PSPC1: variants seen among roughly 807,000 people sequenced by gnomAD.
The protein encoded by PSPC1 is paraspeckle component 1.
In PSPC1, 14 loss-of-function variants were observed where a neutral mutation model predicts 51.6. The observed-to-expected ratio is 0.27, with a 90% CI of 0.18 to 0.42. The LOEUF (loss-of-function observed/expected upper bound fraction) is 0.42. PSPC1 is among the 10% of genes least tolerant of loss of function. PSPC1 has a pLI of 1.00. For missense variants in PSPC1, 406 were observed against 701.1 expected, an observed-to-expected ratio of 0.58 and a Z score of 4.75; for synonymous variants, 193 against 231.9, an observed-to-expected ratio of 0.83 and a Z score of 1.53.
At chr13:19,693,951 A>G (rs930264887) in intron 6 of PSPC1, among the ~76,000 whole-genome samples, 4 of 151,862 alleles carry the variant, frequency 2.6e-5, no homozygotes, top group Admixed American at 6.6e-5. Flanking sequence ...GTGAAACCCC[A>G]TCTCTACTAA....
At chr13:19,730,496 T>A in intron 5 of PSPC1, 152 bp from the exon 6 acceptor site, 1 of 651,734 alleles carries the variant, frequency 1.5e-6, no homozygotes, top group African/African-American at 1.8e-5. Context: ...ACCTTCCTTC[T>A]ATGTCACTCC....
chr13:19,735,628 A>C (rs1884685220), intron 5 of PSPC1, among the ~76,000 whole-genome samples: 1 of 152,216 alleles, frequency 6.6e-6, no homozygotes, highest in Admixed American at 6.5e-5. Context: ...AACTAAAGTA[A>C]AGCACAAAGG....
At chr13:19,778,023 C>T (rs974831067) in intron 1 of PSPC1, among the ~76,000 whole-genome samples, 1 of 152,114 alleles carries the variant, frequency 6.6e-6, no homozygotes. Context: ...GCGGGCGGAT[C>T]ACGAGGTCAA....
Position 19,709,585 on chromosome 13 carries a change from C to T in PSPC1, c.1173G>A (p.Met391Ile). 6.2e-7 allele frequency: 1 copy of T among 1,612,386 alleles called. No individual in the cohort carries two copies. The highest frequency in any genetic ancestry group is 8.5e-7 in the Non-Finnish European group (1 of 1,179,306). Residue 391 changes from methionine to isoleucine, a missense_variant, in exon 7 of 9, where the codon ATG becomes ATA. Coordinates refer to ENST00000338910, the MANE Select transcript of PSPC1 (RefSeq NM_001354909.2). ...PNYMENREQE[M>I]RMGDMGPRGA... is the part of the protein sequence containing the mutation. ...CACGGGGACCCATATCACCCATTCT[C>T]ATTTCCTGTTCTCTCTGTAAGTAAA...
intron 6 of PSPC1, among the ~76,000 whole-genome samples, chr13:19,687,683 TATC>T (rs752358836): frequency 1.4e-4 from 21 of 152,330 alleles, no homozygotes; most frequent in Non-Finnish European, 1.8e-4. Flanking sequence ...GTCGTGACCA[TATC>T]ATAATCACTC....
rs114671454 is a variant in PSPC1 at position 19,772,165 on chromosome 13, A to G, written c.674+77T>C. 1.3e-3 allele frequency: 1,940 copies of G among 1,472,366 alleles called. 19 individuals carry two copies. In the African/African-American group the frequency reaches 0.025, roughly 19 times the overall value. The allele number at this position is 1,472,366 out of a possible 1,614,324, so 91.2% of individuals were successfully genotyped here. On this transcript the variant is annotated intron_variant, in intron 2 of 8. Coordinates refer to ENST00000338910, the MANE Select transcript of PSPC1 (RefSeq NM_001354909.2). ...TTACCATATGCTAGTATGAACTGCA[A>G]TGAAAGACAGAATTCCAAAACAGAG...
chr13:19,707,920 T>TA (rs933278293), intron 7 of PSPC1, among the ~76,000 whole-genome samples: 2 of 150,434 alleles, frequency 1.3e-5, no homozygotes, highest in African/African-American at 4.9e-5. Flanking sequence ...CATTTACTCT[T>TA]AAAAAAAGAC....
chr13:19,740,618 A>T (rs1427856842), intron 5 of PSPC1, among the ~76,000 whole-genome samples: 2 of 152,196 alleles, frequency 1.3e-5, no homozygotes, highest in Admixed American at 1.3e-4. Flanking sequence ...TAACTATCAT[A>T]GCTTTGTTTA....
At chr13:19,767,241 G>C (rs980732067) in intron 2 of PSPC1, among the ~76,000 whole-genome samples, 3 of 152,138 alleles carry the variant, frequency 2.0e-5, no homozygotes, top group African/African-American at 4.8e-5. Flanking sequence ...TCTAAGGAAA[G>C]AGAATAAGAG....
chr13:19,698,439 AT>A (rs1352104430), downstream of PSPC1, among the ~76,000 whole-genome samples: 1 of 151,982 alleles, frequency 6.6e-6, no homozygotes, highest in Non-Finnish European at 1.5e-5. Context: ...AGGACCTCGT[AT>A]TTAATGAATA....
intron 4 of PSPC1, among the ~76,000 whole-genome samples, chr13:19,745,773 C>A (rs1455347321): frequency 2.0e-5 from 3 of 151,812 alleles, no homozygotes; most frequent in Non-Finnish European, 1.5e-5. Context: ...GCGCATGCCA[C>A]CAGGCCTGGC....
At chr13:19,733,108 A>T (rs1024845584) in intron 5 of PSPC1, among the ~76,000 whole-genome samples, 2 of 152,218 alleles carry the variant, frequency 1.3e-5, no homozygotes, top group Non-Finnish European at 2.9e-5. Context: ...GTGCAGGGAC[A>T]TATGTATACA....
intron 6 of PSPC1, among the ~76,000 whole-genome samples, chr13:19,693,059 A>T (rs1030390489): frequency 5.9e-5 from 9 of 152,154 alleles, no homozygotes; most frequent in Admixed American, 5.9e-4. Flanking sequence ...GATCAATTAT[A>T]ATCTTATCTC....
At chr13:19,757,443 A>G (rs921856273) in intron 3 of PSPC1, among the ~76,000 whole-genome samples, 3 of 152,184 alleles carry the variant, frequency 2.0e-5, no homozygotes, top group African/African-American at 7.2e-5. Context: ...AGCATGAAGC[A>G]GTTACAGAAA....
exon 7 of PSPC1, chr13:19,677,790 TC>T (rs1565951559): frequency 2.0e-6 from 1 of 490,836 alleles, no homozygotes; most frequent in African/African-American, 1.9e-5. Flanking sequence ...AAGCTGAACT[TC>T]GGGTAACTTC....
intron 6 of PSPC1, among the ~76,000 whole-genome samples, chr13:19,694,213 C>A (rs939052743): frequency 1.2e-4 from 17 of 147,004 alleles, no homozygotes; most frequent in Non-Finnish European, 2.2e-4. Flanking sequence ...TAAATTTCAA[C>A]CTTATTCATT....
At chr13:19,749,888 C>A (rs1433831661) in intron 4 of PSPC1, among the ~76,000 whole-genome samples, 1 of 152,080 alleles carries the variant, frequency 6.6e-6, no homozygotes, top group African/African-American at 2.4e-5. Flanking sequence ...GCTTAGGGTC[C>A]AAATTAAACC....
At chr13:19,680,834 C>G (rs9579656) in intron 6 of PSPC1, among the ~76,000 whole-genome samples, 1 of 152,082 alleles carries the variant, frequency 6.6e-6, no homozygotes, top group Non-Finnish European at 1.5e-5. Flanking sequence ...TCTAACCACC[C>G]CCTAAGATTG....
chr13:19,748,988 T>C (rs1593701013), intron 4 of PSPC1, among the ~76,000 whole-genome samples: 2 of 151,768 alleles, frequency 1.3e-5, no homozygotes, highest in African/African-American at 4.8e-5. Context: ...GGTGGGTAGA[T>C]CACTCGAGGC....
Sources: gnomAD v4.1 joint callset for allele counts (sites outside exome capture counted in the v4.1 genomes callset) on GRCh38, gnomAD v4.1.1 for gene constraint, MANE v1.5 for transcripts, NCBI Gene and HGNC (gene_info 2026-07-23, HGNC 2026-07-21) for gene names.